Variants in DOCK9 observed in about 807,000 individuals in gnomAD.
DOCK9 encodes dedicator of cytokinesis 9, also known as dedicator of cytokinesis protein 9.
DOCK9 carries 89 observed loss-of-function variants against 263.3 expected under a neutral mutation model. The observed-to-expected ratio is 0.34, with a 90% CI of 0.28 to 0.40. The LOEUF is 0.40. Among genes scored for constraint, DOCK9 ranks in the 10% least tolerant of loss-of-function variants. The probability of loss-of-function intolerance (pLI) is 1.00; values close to 1 mark genes in which losing one functional copy is unlikely to be tolerated. For missense variants in DOCK9, 2,140 were observed against 2,603.4 expected, an observed-to-expected ratio of 0.82 and a Z score of 3.87; for synonymous variants, 976 against 973.1, an observed-to-expected ratio of 1.00 and a Z score of -0.06.
chr13:98,951,903 C>CCTTTTTTT (rs2057459243), intron 2 of DOCK9, among the ~76,000 whole-genome samples: 1 of 134,914 alleles, frequency 7.4e-6, no homozygotes, highest in South Asian at 2.5e-4. Context: ...TTAATATTCC[C>CCTTTTTTT]TTTTTTTTTT....
intron 27 of DOCK9, among the ~76,000 whole-genome samples, chr13:98,872,569 G>C (rs1250326550): frequency 3.3e-5 from 5 of 152,082 alleles, no homozygotes; most frequent in Non-Finnish European, 7.4e-5. Context: ...ACCATGCCCA[G>C]CTAATTTTGT....
At chr13:98,993,856 A>T (rs530796199) in intron 1 of DOCK9, among the ~76,000 whole-genome samples, 54 of 152,350 alleles carry the variant, frequency 3.5e-4, no homozygotes, top group African/African-American at 1.3e-3. Flanking sequence ...GAATTATCTA[A>T]TATGTGAAAT....
At chr13:99,054,238 T>A (rs1393029275) in intron 1 of DOCK9, among the ~76,000 whole-genome samples, 1 of 152,184 alleles carries the variant, frequency 6.6e-6, no homozygotes, top group East Asian at 1.9e-4. Flanking sequence ...AAAAACAGCC[T>A]TGGTCTAGAG....
chr13:99,020,829 C>T (rs1030933712), intron 1 of DOCK9, among the ~76,000 whole-genome samples: 3 of 152,152 alleles, frequency 2.0e-5, no homozygotes, highest in African/African-American at 7.2e-5. Context: ...GGAATTCTCT[C>T]CATTCTGCAG....
chr13:98,971,813 C>T (rs1282875022), intron 1 of DOCK9, among the ~76,000 whole-genome samples: 2 of 152,172 alleles, frequency 1.3e-5, no homozygotes, highest in Non-Finnish European at 2.9e-5. Context: ...AAATGTAACA[C>T]CCAAGATAAG....
intron 1 of DOCK9, 78 bp downstream of exon 1, chr13:98,977,706 G>A (rs1290757284): frequency 7.0e-7 from 1 of 1,431,400 alleles, no homozygotes; most frequent in Non-Finnish European, 9.5e-7. Context: ...CAGGCAACAG[G>A]CGTCAACCCC....
At chr13:98,922,646 A>G (rs1007840762) in intron 5 of DOCK9, among the ~76,000 whole-genome samples, 2 of 152,242 alleles carry the variant, frequency 1.3e-5, no homozygotes, top group African/African-American at 4.8e-5. Context: ...GGGAATAAAA[A>G]TAATTTGCTA....
intron 1 of DOCK9, among the ~76,000 whole-genome samples, chr13:99,048,707 C>T (rs1041589478): frequency 6.6e-6 from 1 of 152,230 alleles, no homozygotes; most frequent in African/African-American, 2.4e-5. Flanking sequence ...ACATGCAACA[C>T]TCCCATCCTC....
intron 29 of DOCK9, among the ~76,000 whole-genome samples, 175 bp downstream of exon 29, chr13:98,867,753 T>G (rs184178101): frequency 2.0e-4 from 30 of 152,288 alleles, no homozygotes; most frequent in African/African-American, 7.0e-4. Flanking sequence ...AATTGATTTT[T>G]AGGGCTCCTC....
In DOCK9 at chr13:98,915,549, A is replaced by C. The variant is rs776196976; in HGVS notation, c.718-46T>G. The C allele has an allele frequency of 3.3e-6, 5 of 1,535,286 alleles. No homozygotes were observed. The South Asian group carries it at 3.7e-5, about 11-fold the overall frequency. On this transcript the variant is annotated intron_variant, in intron 7 of 52. Coordinates refer to ENST00000682017, the MANE Select transcript of DOCK9 (RefSeq NM_001366683.2). ...ACAGACATACTTTAAAAGAATTAGA[A>C]CTGCTTTAAAATAATTACTCTCTCT...
chr13:98,958,122 T>C (rs2058263632), intron 1 of DOCK9, among the ~76,000 whole-genome samples: 1 of 152,202 alleles, frequency 6.6e-6, no homozygotes, highest in Non-Finnish European at 1.5e-5. Flanking sequence ...GCCAATGTTA[T>C]TAGGTTTGGG....
At position 98,921,014 on chromosome 13, in the gene DOCK9, T is replaced by C. The variant is rs2051890025; in HGVS notation, c.657A>G (p.Glu219=). 1 of 1,604,712 alleles carries C rather than the reference T, an allele frequency of 6.2e-7. No homozygotes were observed. ...ATCCTTTTGGTTCTTTGGAGATCTT[T>C]TCATCTTTATAAAAATTCAAATTAT... The part of the protein sequence containing the change: ...GSYNLNFYKD[E]KISKEPKGSI... The change falls in exon 7 of 53, where the codon GAA becomes GAG. Residue 219 remains glutamate (E), a synonymous_variant. Coordinates refer to ENST00000682017, the MANE Select transcript of DOCK9 (RefSeq NM_001366683.2).
intron 2 of DOCK9, among the ~76,000 whole-genome samples, chr13:98,941,943 A>T (rs1213952372): frequency 3.9e-5 from 6 of 152,334 alleles, no homozygotes; most frequent in Admixed American, 2.6e-4. Context: ...GTGAGAACCA[A>T]ATTTTAGGGG....
intron 18 of DOCK9, among the ~76,000 whole-genome samples, chr13:98,887,128 T>A (rs1451730120): frequency 9.8e-5 from 6 of 61,152 alleles, no homozygotes; most frequent in Non-Finnish European, 1.6e-4. Flanking sequence ...CTATATTTTA[T>A]ATATATATAT....
intron 33 of DOCK9, chr13:98,858,905 T>C (rs994953845): frequency 2.0e-5 from 3 of 152,218 alleles, no homozygotes; most frequent in Non-Finnish European, 2.9e-5. Context: ...ATTAAAACTT[T>C]GTGGAAATGA....
At chr13:98,919,439 C>G (rs2051509623) in intron 7 of DOCK9, among the ~76,000 whole-genome samples, 1 of 152,202 alleles carries the variant, frequency 6.6e-6, no homozygotes, top group African/African-American at 2.4e-5. Flanking sequence ...GAAGAAAATG[C>G]ACTTTAATTC....
intron 49 of DOCK9, among the ~76,000 whole-genome samples, chr13:98,803,035 A>G (rs369795874): frequency 3.9e-5 from 6 of 152,346 alleles, no homozygotes; most frequent in African/African-American, 7.2e-5. Flanking sequence ...AGAGAGGAAG[A>G]GTGACCTGCC....
At chr13:98,981,614 TGGA>T (rs1877228281), upstream of DOCK9, among the ~76,000 whole-genome samples, 1 of 152,120 alleles carries the variant, frequency 6.6e-6, no homozygotes, top group African/African-American at 2.4e-5. Context: ...CCTGAGGGCG[TGGA>T]GGAGAGAAGA....
intron 21 of DOCK9, among the ~76,000 whole-genome samples, chr13:98,884,184 A>G (rs1014516033): frequency 2.6e-5 from 4 of 152,208 alleles, no homozygotes; most frequent in Non-Finnish European, 4.4e-5. Context: ...ATCCTATTAC[A>G]CCAGCATCTG....
Sources: allele counts gnomAD v4.1 joint callset (sites outside exome capture counted in the v4.1 genomes callset), GRCh38; gene constraint gnomAD v4.1.1; transcripts MANE v1.5; gene names NCBI Gene and HGNC (gene_info 2026-07-23, HGNC 2026-07-21).